Variants in ABLIM2 observed in about 807,000 individuals in gnomAD.
ABLIM2 encodes the protein actin-binding LIM protein 2.
Under a neutral mutation model 97.7 loss-of-function variants are expected in ABLIM2, and 53 were observed. The observed-to-expected ratio is 0.54, with a 90% CI of 0.44 to 0.68. The LOEUF is 0.68. ABLIM2 is among the 30% of genes least tolerant of loss of function. The pLI, the probability that ABLIM2 is intolerant of heterozygous loss-of-function variation, is 0.00. For synonymous variants in ABLIM2, 361 were observed against 345.8 expected (o/e 1.04, Z -0.49); for missense variants, 835 against 867.2 (o/e 0.96, Z 0.47).
Position 8,004,707 on chromosome 4 carries a change from G to T in ABLIM2, c.1618+3352C>A, listed in dbSNP as rs367622438. Among the ~76,000 whole-genome samples the T allele has an allele frequency of 6.6e-6, 1 of 152,188 alleles. No homozygotes were observed. The highest frequency in any genetic ancestry group is 1.5e-5 in the Non-Finnish European group (1 of 68,028). ...TTCCTCCCCCAAGGCAGCGAGTCTT[G>T]TTCTAGAAAACTTCCTATAACATAA... On this transcript the variant is annotated intron_variant, in intron 16 of 20. Coordinates refer to ENST00000447017, the MANE Select transcript of ABLIM2 (RefSeq NM_001130083.2). This position sits in a 1 kb window ranked among gnomAD's most constrained non-coding sequence, Gnocchi z 5.9.
rs1561598708 is a variant in ABLIM2, at chr4:8,128,715, C to T, written c.11-22078G>A. ...GACTCACATGCTGATATCCTAAACCCCAGTGTGACAGGATTTGGAGGCGGG... is the reference window on the plus strand; with the variant it reads ...GACTCACATGCTGATATCCTAAACCTCAGTGTGACAGGATTTGGAGGCGGG... On this transcript the variant is annotated intron_variant, in intron 1 of 20. Coordinates refer to ENST00000447017, the MANE Select transcript of ABLIM2 (RefSeq NM_001130083.2). This position sits in a 1 kb window ranked among gnomAD's most constrained non-coding sequence, Gnocchi z 4.9. 1.3e-5 allele frequency among the ~76,000 whole-genome samples: 2 copies of T among 152,274 alleles called. No homozygotes were observed. Among genetic ancestry groups the T allele is most frequent in the East Asian group, 1.9e-4 (1 of 5,168 alleles).
At chr4:8,142,250 C>G (rs1333006487) in intron 1 of ABLIM2, among the ~76,000 whole-genome samples, 3 of 152,198 alleles carry the variant, frequency 2.0e-5, no homozygotes, top group Non-Finnish European at 4.4e-5. Flanking sequence ...CTCTATGGCA[C>G]TGACCCCCAC....
In ABLIM2 at chr4:8,083,579, C is replaced by T. The variant is rs1315569704; in HGVS notation, c.455-2777G>A. ...CCCCCTCATTCTCCTATCAGCAGTA[C>T]ACGTGGAGATGAGAGCAAGGTGCAA... On this transcript the variant is annotated intron_variant, in intron 4 of 20. Coordinates refer to ENST00000447017, the MANE Select transcript of ABLIM2 (RefSeq NM_001130083.2). This position sits in a 1 kb window ranked among gnomAD's most constrained non-coding sequence, Gnocchi z 4.6. Among the ~76,000 whole-genome samples the T allele has an allele frequency of 6.6e-6, 1 of 152,260 alleles. No individual in the cohort carries two copies. The highest frequency in any genetic ancestry group is 2.4e-5 in the African/African-American group (1 of 41,474).
Position 8,005,025 on chromosome 4 carries a change from T to C in ABLIM2, c.1618+3034A>G, listed in dbSNP as rs889495464. 6.6e-6 allele frequency among the ~76,000 whole-genome samples: 1 copy of C among 152,060 alleles called. No individual in the cohort carries two copies. Among genetic ancestry groups the C allele is most frequent in the Non-Finnish European group, 1.5e-5 (1 of 68,000 alleles). ...ACTGCCTAGCACCATGTCCAGCACA[T>C]AGTAGGTGCTCAGTAAGTATCTGGT... On this transcript the variant is annotated intron_variant, in intron 16 of 20. Coordinates refer to ENST00000447017, the MANE Select transcript of ABLIM2 (RefSeq NM_001130083.2). This position sits in a 1 kb window ranked among gnomAD's most constrained non-coding sequence, Gnocchi z 4.9.
intron 7 of ABLIM2, among the ~76,000 whole-genome samples, chr4:8,056,592 C>T (rs1799293200): frequency 6.6e-6 from 1 of 151,944 alleles, no homozygotes; most frequent in African/African-American, 2.4e-5. Flanking sequence ...TGAGCCACCA[C>T]ACCCAGGCTA....
In ABLIM2 at chr4:8,015,991, G is replaced by A. The variant is rs530644674; in HGVS notation, c.1423+3627C>T. Among the ~76,000 whole-genome samples, 5 of 150,720 alleles carry A rather than the reference G, an allele frequency of 3.3e-5. No individual in the cohort carries two copies. The highest frequency in any genetic ancestry group is 3.9e-4 in the East Asian group (2 of 5,144). The stretch of plus-strand genomic sequence containing the variant: ...AGTTCAAATCAGATATGAGACGATC[G>A]TAAGCTACTATTCCTGTCTGTAATA... On this transcript the variant is annotated intron_variant, in intron 14 of 20. Transcript: ENST00000447017. The surrounding 1 kb of genome is among the most constrained non-coding windows in gnomAD (Gnocchi z 4.6).
intron 20 of ABLIM2, among the ~76,000 whole-genome samples, chr4:7,973,895 A>G (rs1730401002): frequency 6.6e-6 from 1 of 152,212 alleles, no homozygotes; most frequent in South Asian, 2.1e-4. Flanking sequence ...CTGCTGTGAA[A>G]GTGTGCTGCA....
intron 18 of ABLIM2, 30 bp from the exon 19 acceptor site, chr4:7,983,584 A>C: frequency 6.2e-7 from 1 of 1,611,360 alleles, no homozygotes; most frequent in Non-Finnish European, 8.5e-7. Flanking sequence ...GAGACCACGA[A>C]ATGGTTTAGA....
intron 1 of ABLIM2, among the ~76,000 whole-genome samples, chr4:8,114,150 T>G (rs1841645356): frequency 6.6e-6 from 1 of 152,212 alleles, no homozygotes; most frequent in Non-Finnish European, 1.5e-5. Context: ...GGGCGGGGGC[T>G]GTGCCCGAGG....
rs765496063 is a variant in ABLIM2 at position 8,036,208 on chromosome 4, T to A, written c.988A>T (p.Met330Leu). ...KAIYDIDRPD[M>L]ISYSPYISHS... ...CTGATGTAGGGTGAGTAGGAGATCA[T>A]GTCGGGGCGGTCGATGTCATAGATG... Residue 330 changes from methionine (M) to leucine (L), a missense_variant, in exon 10 of 21, where the codon ATG (methionine) becomes TTG (leucine). Transcript: ENST00000447017. The A allele has an allele frequency of 6.2e-7, 1 of 1,613,888 alleles. No homozygotes were observed.
At chr4:7,976,049 T>C (rs1732795770) in intron 20 of ABLIM2, among the ~76,000 whole-genome samples, 1 of 152,152 alleles carries the variant, frequency 6.6e-6, no homozygotes, top group African/African-American at 2.4e-5. Context: ...CCACTTCTTA[T>C]TCCTCCCTAG....
intron 1 of ABLIM2, among the ~76,000 whole-genome samples, chr4:8,151,636 G>A (rs1403208543): frequency 2.6e-5 from 4 of 152,186 alleles, no homozygotes; most frequent in African/African-American, 9.7e-5. Flanking sequence ...GGCGGGGTGG[G>A]GCGGTGGTGT....
intron 20 of ABLIM2, among the ~76,000 whole-genome samples, chr4:7,975,740 T>C (rs75169159): frequency 5.9e-5 from 9 of 152,288 alleles, no homozygotes; most frequent in Middle Eastern, 6.8e-3. Flanking sequence ...CTAGCTCCCT[T>C]ACGGATAACA....
In ABLIM2 at chr4:8,134,657, GCTCCACAGTGCCAGGAAGGCC is replaced by G. The variant is rs540266883; in HGVS notation, c.10+24002_10+24022del. Among the ~76,000 whole-genome samples the G allele has an allele frequency of 1.7e-3, 262 of 152,302 alleles. 1 individual carries two copies. The highest frequency in any genetic ancestry group is 5.5e-3 in the African/African-American group (228 of 41,544). On this transcript the variant is annotated intron_variant, in intron 1 of 20. Coordinates refer to ENST00000447017, the MANE Select transcript of ABLIM2 (RefSeq NM_001130083.2). Reference sequence around the variant, plus strand: ...CGGAAATGTATGAAAACGCTCTCAGGCTCCACAGTGCCAGGAAGGCCCCCTTTTCCCATGGTCTGGCAAATA... The same window carrying G: ...CGGAAATGTATGAAAACGCTCTCAGGCCCTTTTCCCATGGTCTGGCAAATA...
rs1847524090 is a variant in ABLIM2, at chr4:8,125,607, C to T, written c.11-18970G>A. ...GCATGGGGCCTCGGTGCCGGGGCTG[C>T]TTCTGGGATGGTCGTGGTTGGCTCT... On this transcript the variant is annotated intron_variant, in intron 1 of 20. Coordinates refer to ENST00000447017, the MANE Select transcript of ABLIM2 (RefSeq NM_001130083.2). The surrounding 1 kb of genome is among the most constrained non-coding windows in gnomAD (Gnocchi z 6.2). Among the ~76,000 whole-genome samples the T allele has an allele frequency of 6.6e-6, 1 of 152,168 alleles. No individual in the cohort carries two copies. Among genetic ancestry groups the T allele is most frequent in the African/African-American group, 2.4e-5 (1 of 41,442 alleles).
At chr4:8,047,860 G>A (rs755331710) in intron 8 of ABLIM2, among the ~76,000 whole-genome samples, 6 of 152,242 alleles carry the variant, frequency 3.9e-5, no homozygotes, top group Non-Finnish European at 8.8e-5. Flanking sequence ...GTGGGCTCAG[G>A]AGATGACCTT....
chr4:8,107,246 G>C (rs1837916459), intron 1 of ABLIM2, among the ~76,000 whole-genome samples: 1 of 152,270 alleles, frequency 6.6e-6, no homozygotes, highest in African/African-American at 2.4e-5. Flanking sequence ...GACAGGTCAG[G>C]ATGGATGGTC....
intron 1 of ABLIM2, among the ~76,000 whole-genome samples, chr4:8,121,302 C>T (rs769964898): frequency 4.6e-5 from 7 of 152,242 alleles, no homozygotes; most frequent in Admixed American, 6.5e-5. Flanking sequence ...CAGCCACCCC[C>T]GCTCAGGCTG....
rs530865995 is a variant in ABLIM2 at position 8,071,135 on chromosome 4, G to C, written c.675+6493C>G. Among the ~76,000 whole-genome samples the C allele has an allele frequency of 1.1e-4, 17 of 150,444 alleles. No homozygotes were observed. Among genetic ancestry groups the C allele is most frequent in the African/African-American group, 4.2e-4 (17 of 40,706 alleles). ...GTCACACCGCTGTCCCCGTGGATTC[G>C]CCAGCTGAGTCCCAGCTCCCTCTGT... On this transcript the variant is annotated intron_variant, in intron 6 of 20. Coordinates refer to ENST00000447017, the MANE Select transcript of ABLIM2 (RefSeq NM_001130083.2). This position sits in a 1 kb window ranked among gnomAD's most constrained non-coding sequence, Gnocchi z 6.2.
Sources: allele counts gnomAD v4.1 joint callset (sites outside exome capture counted in the v4.1 genomes callset), GRCh38; gene constraint gnomAD v4.1.1; non-coding constraint Gnocchi (gnomAD v3.1); transcripts MANE v1.5; gene names NCBI Gene and HGNC (gene_info 2026-07-23, HGNC 2026-07-21).